The following PDE8B variants were observed in gnomAD, a reference collection of about 807,000 sequenced individuals.
PDE8B encodes phosphodiesterase 8B, also known as high affinity cAMP-specific and IBMX-insensitive 3',5'-cyclic phosphodiesterase 8B.
PDE8B carries 26 observed loss-of-function variants against 101.3 expected under a neutral mutation model. That is an observed-to-expected ratio of 0.26 (90% CI 0.19 to 0.36). The LOEUF is 0.36. PDE8B is among the 10% of genes least tolerant of loss of function. The pLI is 1.00. For missense variants in PDE8B, 810 were observed against 1,163.1 expected (o/e 0.70, Z 4.42); for synonymous variants, 424 against 429.3 (o/e 0.99, Z 0.15).
chr5:77,321,917 A>G (rs1185845671), intron 2 of PDE8B, among the ~76,000 whole-genome samples: 1 of 152,150 alleles, frequency 6.6e-6, no homozygotes, highest in Admixed American at 6.5e-5. Context: ...GCATTGAAAA[A>G]ATCATTACAG....
chr5:77,309,254 G>A (rs1406150070), intron 1 of PDE8B, among the ~76,000 whole-genome samples: 1 of 142,750 alleles, frequency 7.0e-6, no homozygotes, highest in African/African-American at 2.5e-5. Context: ...GGAGGGGAAG[G>A]AGAGGAAAGA....
intron 2 of PDE8B, among the ~76,000 whole-genome samples, chr5:77,322,983 G>A (rs904478007): frequency 5.9e-5 from 9 of 152,192 alleles, no homozygotes; most frequent in African/African-American, 2.2e-4. Context: ...ATGGTGTCAA[G>A]GAAATATAAA....
At chr5:77,375,997 A>T (rs1477215616) in intron 10 of PDE8B, among the ~76,000 whole-genome samples, 2 of 148,238 alleles carry the variant, frequency 1.3e-5, no homozygotes, top group Non-Finnish European at 3.0e-5. Context: ...GGTTCAAGCG[A>T]TTCTCCTGCC....
chr5:77,241,142 T>C (rs1487717742), intron 1 of PDE8B, among the ~76,000 whole-genome samples: 1 of 152,208 alleles, frequency 6.6e-6, no homozygotes, highest in Non-Finnish European at 1.5e-5. Context: ...AGAGTGGCTT[T>C]TGAATAAAAC....
the PDE8B span, among the ~76,000 whole-genome samples, chr5:77,155,913 G>A: frequency 2.0e-5 from 3 of 152,220 alleles, no homozygotes; most frequent in East Asian, 5.8e-4. Context: ...ATATTATCAA[G>A]GCCAGAAGTT....
At chr5:77,227,135 AC>A (rs1458780112) in intron 1 of PDE8B, among the ~76,000 whole-genome samples, 1 of 152,188 alleles carries the variant, frequency 6.6e-6, no homozygotes, top group Non-Finnish European at 1.5e-5. Flanking sequence ...AATCACCAAG[AC>A]CTAAAATCAA....
chr5:77,243,424 A>G (rs919521861), intron 1 of PDE8B, among the ~76,000 whole-genome samples: 2 of 152,330 alleles, frequency 1.3e-5, no homozygotes, highest in East Asian at 3.9e-4. Context: ...TAATAAATCT[A>G]TATAGTTATG....
At chr5:77,134,808 C>G in the PDE8B span, among the ~76,000 whole-genome samples, 13 of 152,284 alleles carry the variant, frequency 8.5e-5, no homozygotes, top group East Asian at 2.5e-3. Context: ...GATCTCAAGA[C>G]AACTGGCGGC....
In PDE8B at chr5:77,425,748, T is replaced by A; in HGVS notation, c.2419-19T>A. Reference sequence around the variant, plus strand: ...GTCTCGCATGTCCTCCAGCCCTATGTGGTGGTTTTTTCTTACAGACTGATG... The same window carrying A: ...GTCTCGCATGTCCTCCAGCCCTATGAGGTGGTTTTTTCTTACAGACTGATG... On this transcript the variant is annotated intron_variant, in intron 20 of 21. Transcript: ENST00000264917. 1 of 1,612,886 alleles carries A rather than the reference T, an allele frequency of 6.2e-7. No individual in the cohort carries two copies. The highest frequency in any genetic ancestry group is 8.5e-7 in the Non-Finnish European group (1 of 1,178,964).
the PDE8B span, among the ~76,000 whole-genome samples, chr5:77,153,472 AG>A: frequency 6.6e-6 from 1 of 151,444 alleles, no homozygotes; most frequent in Non-Finnish European, 1.5e-5. Flanking sequence ...CACAGGTTCT[AG>A]GGGGAGGGCT....
chr5:77,425,668 A>G, intron 20 of PDE8B, 99 bp from the exon 21 acceptor site: 1 of 1,240,158 alleles, frequency 8.1e-7, no homozygotes, highest in Non-Finnish European at 1.2e-6. Flanking sequence ...AGAAAACTGG[A>G]TAATGACCCA....
At chr5:77,108,418 T>C in the PDE8B span, among the ~76,000 whole-genome samples, 443 of 152,304 alleles carry the variant, frequency 2.9e-3, 5 homozygotes, top group Middle Eastern at 0.024. Context: ...GGCACATGGC[T>C]CATGCCCTTA....
the PDE8B span, among the ~76,000 whole-genome samples, chr5:77,097,915 G>A: frequency 1.3e-5 from 2 of 150,264 alleles, no homozygotes; most frequent in South Asian, 2.1e-4. Flanking sequence ...GAATGATCCC[G>A]TACCGGAATT....
chr5:77,127,321 A>C, the PDE8B span, among the ~76,000 whole-genome samples: 5 of 151,922 alleles, frequency 3.3e-5, no homozygotes, highest in African/African-American at 1.2e-4. Flanking sequence ...GTGGGTTCTC[A>C]CGAGATCTGA....
chr5:77,371,739 T>C (rs1420926143), intron 10 of PDE8B, among the ~76,000 whole-genome samples: 1 of 152,236 alleles, frequency 6.6e-6, no homozygotes, highest in Non-Finnish European at 1.5e-5. Context: ...TATGTTTGTT[T>C]GGATCTTCTT....
chr5:77,405,990 A>T (rs1285135227), intron 12 of PDE8B, among the ~76,000 whole-genome samples: 1 of 152,196 alleles, frequency 6.6e-6, no homozygotes, highest in Non-Finnish European at 1.5e-5. Flanking sequence ...ACTGAGTATG[A>T]AAGTGGCTGA....
intron 1 of PDE8B, among the ~76,000 whole-genome samples, chr5:77,268,768 G>T (rs1762218900): frequency 6.6e-6 from 1 of 151,134 alleles, no homozygotes; most frequent in Non-Finnish European, 1.5e-5. Context: ...ACAGATGATT[G>T]GATAAAGAAA....
the PDE8B span, among the ~76,000 whole-genome samples, chr5:77,133,376 A>G: frequency 6.6e-6 from 1 of 152,238 alleles, no homozygotes; most frequent in Admixed American, 6.5e-5. Context: ...GCTGATTCAT[A>G]GATCAATGAC....
At chr5:77,120,704 C>T in the PDE8B span, among the ~76,000 whole-genome samples, 1 of 152,182 alleles carries the variant, frequency 6.6e-6, no homozygotes, top group African/African-American at 2.4e-5. Flanking sequence ...GAGGTAAAAA[C>T]AAAAACACAT....
Sources: allele counts gnomAD v4.1 joint callset (sites outside exome capture counted in the v4.1 genomes callset), GRCh38; gene constraint gnomAD v4.1.1; transcripts MANE v1.5; gene names NCBI Gene and HGNC (gene_info 2026-07-23, HGNC 2026-07-21).